TSNARE1: variants seen among roughly 807,000 people sequenced by gnomAD.
TSNARE1 encodes the protein t-SNARE domain-containing protein 1.
Under a neutral mutation model 62.0 loss-of-function variants are expected in TSNARE1, and 49 were observed. The observed-to-expected ratio is 0.79, with a 90% CI of 0.63 to 1.00. The LOEUF (loss-of-function observed/expected upper bound fraction) is 1.00, where lower values mean the gene tolerates loss of function less well. Among genes scored for constraint, TSNARE1 ranks in the 50% least tolerant of loss-of-function variants. The pLI is 0.00. For synonymous variants in TSNARE1, 328 were observed against 294.4 expected (o/e 1.11, Z -1.17); for missense variants, 755 against 700.1 (o/e 1.08, Z -0.88).
At chr8:142,295,875 C>T (rs548370560) in intron 10 of TSNARE1, among the ~76,000 whole-genome samples, 49 of 150,880 alleles carry the variant, frequency 3.2e-4, no homozygotes, top group African/African-American at 9.8e-4. Flanking sequence ...ACACCCTGTG[C>T]GCAGGGATGA....
intron 10 of TSNARE1, among the ~76,000 whole-genome samples, chr8:142,295,577 G>C (rs1281380659): frequency 6.6e-6 from 1 of 152,240 alleles, no homozygotes; most frequent in Non-Finnish European, 1.5e-5. Context: ...GAACACATAG[G>C]GGGCAGGCCC....
chr8:142,271,471 C>T, intron 12 of TSNARE1: 5 of 1,280,094 alleles, frequency 3.9e-6, no homozygotes, highest in Non-Finnish European at 4.9e-6. Flanking sequence ...TCCTGGAGGG[C>T]AAGGGAGGTG....
chr8:142,221,183 T>C (rs1296534480), intron 13 of TSNARE1, among the ~76,000 whole-genome samples: 1 of 152,222 alleles, frequency 6.6e-6, no homozygotes, highest in Non-Finnish European at 1.5e-5. Context: ...TTTGTGGCGC[T>C]GTGGCGAGGA....
intron 12 of TSNARE1, among the ~76,000 whole-genome samples, chr8:142,231,304 G>T (rs1817105552): frequency 6.6e-6 from 1 of 152,196 alleles, no homozygotes. Flanking sequence ...GACCTTCCCA[G>T]GCTTCACAGT....
intron 13 of TSNARE1, among the ~76,000 whole-genome samples, chr8:142,222,064 TTCAC>T (rs1276265355): frequency 6.9e-5 from 7 of 101,282 alleles, no homozygotes; most frequent in Non-Finnish European, 1.4e-4. Context: ...CACTCACTGA[TTCAC>T]TCACTCACTC....
rs1412992059 is a variant in TSNARE1, at chr8:142,291,733, G to A, written c.1291-7248C>T. Among the ~76,000 whole-genome samples, 1 of 152,154 alleles carries A rather than the reference G, an allele frequency of 6.6e-6. No homozygotes were observed. The highest frequency in any genetic ancestry group is 1.5e-5 in the Non-Finnish European group (1 of 68,024). ...TGTGTGGGGGGCGAGCGTGGGAGCG[G>A]CAGGGGTTAGAGGACACCCCTGGAG... is the stretch of plus-strand genomic sequence containing the variant. On this transcript the variant is annotated intron_variant, in intron 10 of 13. Coordinates refer to ENST00000524325, the MANE Select transcript of TSNARE1 (RefSeq NM_145003.5). This position sits in a 1 kb window ranked among gnomAD's most constrained non-coding sequence, Gnocchi z 4.8.
At chr8:142,404,850 A>G (rs1587190460), upstream of TSNARE1, 1 of 152,210 alleles carries the variant, frequency 6.6e-6, no homozygotes, top group Admixed American at 6.5e-5. Flanking sequence ...TCTGGCCGCC[A>G]CCTCACTCAG....
chr8:142,341,580 A>T (rs1349641755), intron 4 of TSNARE1, among the ~76,000 whole-genome samples: 1 of 152,176 alleles, frequency 6.6e-6, no homozygotes, highest in Non-Finnish European at 1.5e-5. Flanking sequence ...GGTCTTGGAC[A>T]CAGGCTAGGA....
chr8:142,325,043 T>G (rs1830001975), intron 6 of TSNARE1, among the ~76,000 whole-genome samples: 1 of 152,222 alleles, frequency 6.6e-6, no homozygotes, highest in Admixed American at 6.5e-5. Flanking sequence ...CCCAGTTTCA[T>G]GAGCAGGTGA....
Position 142,330,562 on chromosome 8 carries a change from G to C in TSNARE1, c.893+339C>G, listed in dbSNP as rs141490720. Among the ~76,000 whole-genome samples, 537 of 152,378 alleles carry C rather than the reference G, an allele frequency of 3.5e-3. 3 individuals are homozygous for C. The highest frequency in any genetic ancestry group is 0.012 in the African/African-American group (504 of 41,596). Reference sequence around the variant, plus strand: ...ACAGGGAGCCTTCAGACATGACAAAGACACATTTGGAGCATGTTGGCAGGG... The same window carrying C: ...ACAGGGAGCCTTCAGACATGACAAACACACATTTGGAGCATGTTGGCAGGG... On this transcript the variant is annotated intron_variant, in intron 6 of 13. Coordinates refer to ENST00000524325, the MANE Select transcript of TSNARE1 (RefSeq NM_145003.5).
intron 12 of TSNARE1, among the ~76,000 whole-genome samples, chr8:142,263,805 A>C (rs753823716): frequency 6.6e-6 from 1 of 152,146 alleles, no homozygotes; most frequent in Non-Finnish European, 1.5e-5. Flanking sequence ...TTATTTTGAA[A>C]TGTCTGCTCT....
At chr8:142,245,303 AC>A (rs1817842589) in intron 12 of TSNARE1, among the ~76,000 whole-genome samples, 1 of 152,198 alleles carries the variant, frequency 6.6e-6, no homozygotes, top group African/African-American at 2.4e-5. Context: ...CGTCCCTGAG[AC>A]CCAGGGATCA....
At chr8:142,344,701 C>T (rs1833117550) in intron 3 of TSNARE1, among the ~76,000 whole-genome samples, 1 of 152,226 alleles carries the variant, frequency 6.6e-6, no homozygotes, top group Non-Finnish European at 1.5e-5. Flanking sequence ...TTCTGGGTCA[C>T]AGTGCCCCAT....
intron 1 of TSNARE1, among the ~76,000 whole-genome samples, chr8:142,368,321 G>C (rs935588017): frequency 1.3e-5 from 2 of 152,114 alleles, no homozygotes; most frequent in Non-Finnish European, 2.9e-5. Flanking sequence ...ATATAAAACT[G>C]GTGCTTAAAC....
intron 4 of TSNARE1, among the ~76,000 whole-genome samples, chr8:142,335,669 G>C (rs535083955): frequency 3.9e-5 from 6 of 152,278 alleles, no homozygotes; most frequent in African/African-American, 1.4e-4. Context: ...CAAACATCAA[G>C]ACAGTAGAGT....
chr8:142,255,469 AC>A (rs1818394110), intron 12 of TSNARE1, among the ~76,000 whole-genome samples: 1 of 69,054 alleles, frequency 1.4e-5, no homozygotes. Flanking sequence ...CATCACCATC[AC>A]CACCACCATC....
At chr8:142,260,558 T>C (rs1818807526) in intron 12 of TSNARE1, among the ~76,000 whole-genome samples, 1 of 152,110 alleles carries the variant, frequency 6.6e-6, no homozygotes. Context: ...CCAAACTCTT[T>C]AGCCACCATC....
At chr8:142,393,961 C>T (rs993033547) in intron 1 of TSNARE1, among the ~76,000 whole-genome samples, 9 of 152,244 alleles carry the variant, frequency 5.9e-5, no homozygotes, top group African/African-American at 2.2e-4. Context: ...AATGAACACA[C>T]ACCTTTGTTG....
At chr8:142,293,323 G>T (rs1824127579) in intron 10 of TSNARE1, among the ~76,000 whole-genome samples, 1 of 152,216 alleles carries the variant, frequency 6.6e-6, no homozygotes. Context: ...AAGGAGGGAG[G>T]GGCAGGTGGA....
Sources: gnomAD v4.1 joint callset for allele counts (sites outside exome capture counted in the v4.1 genomes callset) on GRCh38, gnomAD v4.1.1 for gene constraint, Gnocchi (gnomAD v3.1) non-coding constraint, MANE v1.5 for transcripts, NCBI Gene and HGNC (gene_info 2026-07-23, HGNC 2026-07-21) for gene names.